The following ADAMTSL1 variants were observed in gnomAD, a reference collection of about 807,000 sequenced individuals.
ADAMTSL1 encodes the protein ADAMTS like 1.
ADAMTSL1 carries 126 observed loss-of-function variants against 201.8 expected under a neutral mutation model. The ratio of observed to expected loss-of-function variants is 0.62; its 90% CI spans 0.54 to 0.72. The LOEUF (loss-of-function observed/expected upper bound fraction) is 0.72. Among genes scored for constraint, ADAMTSL1 ranks in the 30% least tolerant of loss-of-function variants. ADAMTSL1 has a pLI of 0.00. For synonymous variants in ADAMTSL1, 1,121 were observed against 903.4 expected (o/e 1.24, Z -4.32); for missense variants, 2,679 against 2,277.8 (o/e 1.18, Z -3.59).
At chr9:18,628,333 T>C (rs955488742) in intron 5 of ADAMTSL1, among the ~76,000 whole-genome samples, 1 of 152,216 alleles carries the variant, frequency 6.6e-6, no homozygotes, top group African/African-American at 2.4e-5. Flanking sequence ...GTACCATTTG[T>C]TGAAAAAGAC....
chr9:18,138,913 T>C (rs906328512), intron 1 of ADAMTSL1, among the ~76,000 whole-genome samples: 58 of 152,078 alleles, frequency 3.8e-4, no homozygotes, highest in Admixed American at 3.8e-3. Flanking sequence ...AAAGAGTGCA[T>C]AGTTGACTGT....
At chr9:18,283,901 G>GAGC (rs1832888584) in intron 2 of ADAMTSL1, among the ~76,000 whole-genome samples, 1 of 39,720 alleles carries the variant, frequency 2.5e-5, no homozygotes, top group Admixed American at 3.3e-4. Flanking sequence ...CTGGGCAACA[G>GAGC]AGCAAGACTC....
At chr9:18,227,515 A>C (rs1830475446) in intron 2 of ADAMTSL1, among the ~76,000 whole-genome samples, 1 of 152,204 alleles carries the variant, frequency 6.6e-6, no homozygotes, top group Admixed American at 6.5e-5. Flanking sequence ...CTTAGAAACA[A>C]GCTGTGTTTG....
intron 16 of ADAMTSL1, among the ~76,000 whole-genome samples, chr9:18,768,782 C>T (rs947630399): frequency 9.9e-5 from 15 of 152,120 alleles, no homozygotes; most frequent in African/African-American, 1.4e-4. Flanking sequence ...ATGTTTGCTC[C>T]GGTGGGGTCC....
chr9:18,010,560 T>A (rs1820009721), intron 1 of ADAMTSL1, among the ~76,000 whole-genome samples: 1 of 151,940 alleles, frequency 6.6e-6, no homozygotes. Context: ...CAATTCAACA[T>A]CTGCTGAAGG....
At chr9:18,416,896 A>G (rs1818699099) in intron 2 of ADAMTSL1, among the ~76,000 whole-genome samples, 1 of 152,082 alleles carries the variant, frequency 6.6e-6, no homozygotes, top group Admixed American at 6.5e-5. Context: ...AGAAGACTTG[A>G]ACAACACAAT....
At chr9:18,316,471 C>A (rs1452745529) in intron 2 of ADAMTSL1, among the ~76,000 whole-genome samples, 1 of 152,062 alleles carries the variant, frequency 6.6e-6, no homozygotes, top group Non-Finnish European at 1.5e-5. Context: ...ATTCTCTTTC[C>A]CAGGGATGTT....
chr9:17,970,372 C>G (rs1288159555), intron 1 of ADAMTSL1, among the ~76,000 whole-genome samples: 2 of 151,998 alleles, frequency 1.3e-5, no homozygotes, highest in African/African-American at 4.8e-5. Flanking sequence ...TTCATGTGAG[C>G]ATCTATGCCA....
chr9:18,160,854 T>C (rs1381272702), intron 1 of ADAMTSL1, among the ~76,000 whole-genome samples: 1 of 148,838 alleles, frequency 6.7e-6, no homozygotes, highest in Non-Finnish European at 1.5e-5. Context: ...TAAATTTTTT[T>C]TTTTTTTTTT....
chr9:18,067,133 A>G (rs1027049143), intron 1 of ADAMTSL1, among the ~76,000 whole-genome samples: 2 of 152,146 alleles, frequency 1.3e-5, no homozygotes, highest in African/African-American at 4.8e-5. Context: ...AACTTAAAGT[A>G]TAATAAAAAA....
intron 1 of ADAMTSL1, among the ~76,000 whole-genome samples, chr9:17,979,972 G>A (rs1342544912): frequency 6.6e-6 from 1 of 152,018 alleles, no homozygotes; most frequent in Admixed American, 6.6e-5. Flanking sequence ...TTGGAACCGT[G>A]GAAACCAGCT....
intron 3 of ADAMTSL1, among the ~76,000 whole-genome samples, chr9:18,537,758 C>G (rs1369660469): frequency 6.6e-6 from 1 of 151,612 alleles, no homozygotes; most frequent in Non-Finnish European, 1.5e-5. Context: ...CCTGTTGTCC[C>G]AGCTACTAGA....
At chr9:18,094,150 C>T (rs530651836) in intron 1 of ADAMTSL1, among the ~76,000 whole-genome samples, 7 of 152,214 alleles carry the variant, frequency 4.6e-5, no homozygotes, top group Non-Finnish European at 8.8e-5. Context: ...TTATTGGTTG[C>T]CTGTTAAATG....
intron 1 of ADAMTSL1, among the ~76,000 whole-genome samples, chr9:17,946,000 A>T (rs906547064): frequency 6.6e-6 from 1 of 151,768 alleles, no homozygotes; most frequent in East Asian, 1.9e-4. Flanking sequence ...CTTCCACCAC[A>T]TGTGATTTTT....
At chr9:18,730,469 G>A (rs1053189217) in intron 15 of ADAMTSL1, among the ~76,000 whole-genome samples, 1 of 152,244 alleles carries the variant, frequency 6.6e-6, no homozygotes, top group Admixed American at 6.5e-5. Context: ...CAGTTCTTAG[G>A]TTATCTGCTG....
At chr9:18,402,258 A>G (rs192293718) in intron 2 of ADAMTSL1, among the ~76,000 whole-genome samples, 13 of 152,328 alleles carry the variant, frequency 8.5e-5, no homozygotes, top group African/African-American at 3.1e-4. Context: ...GAAACCCTTT[A>G]AGCCTGACTT....
chr9:18,639,074 ATT>A (rs1827279710), intron 6 of ADAMTSL1, among the ~76,000 whole-genome samples, 178 bp from the exon 7 acceptor site: 1 of 152,084 alleles, frequency 6.6e-6, no homozygotes, highest in Non-Finnish European at 1.5e-5. Flanking sequence ...TCCAGCATAA[ATT>A]CCTATGTGAC....
At chr9:17,985,612 A>G (rs1360939514) in intron 1 of ADAMTSL1, among the ~76,000 whole-genome samples, 2 of 152,118 alleles carry the variant, frequency 1.3e-5, no homozygotes, top group East Asian at 3.9e-4. Context: ...GTTTAAGTGG[A>G]TGCAATTTAG....
At chr9:18,479,293 G>A (rs1338125834) in intron 1 of ADAMTSL1, among the ~76,000 whole-genome samples, 5 of 152,218 alleles carry the variant, frequency 3.3e-5, no homozygotes, top group Admixed American at 6.5e-5. Flanking sequence ...CCCAATGGCT[G>A]TAATCTGCAG....
Sources: allele counts gnomAD v4.1 joint callset (sites outside exome capture counted in the v4.1 genomes callset), GRCh38; gene constraint gnomAD v4.1.1; transcripts MANE v1.5; gene names NCBI Gene and HGNC (gene_info 2026-07-23, HGNC 2026-07-21).